Variants in AGPS observed in about 807,000 individuals in gnomAD.
AGPS encodes alkylglycerone phosphate synthase.
In AGPS, 26 loss-of-function variants were observed where a neutral mutation model predicts 90.7. The observed-to-expected ratio is 0.29, with a 90% CI of 0.21 to 0.40. The LOEUF (loss-of-function observed/expected upper bound fraction) is 0.40. AGPS is among the 10% of genes least tolerant of loss of function. AGPS has a pLI of 1.00. For synonymous variants in AGPS, 294 were observed against 285.3 expected, an observed-to-expected ratio of 1.03 and a Z score of -0.31; for missense variants, 540 against 816.1, an observed-to-expected ratio of 0.66 and a Z score of 4.12.
At chr2:177,525,918 C>G (rs1302225914) in intron 19 of AGPS, among the ~76,000 whole-genome samples, 1 of 152,148 alleles carries the variant, frequency 6.6e-6, no homozygotes, top group Non-Finnish European at 1.5e-5. Context: ...AGATGTACCC[C>G]AGACACTGAG....
intron 9 of AGPS, 66 bp from the exon 10 acceptor site, chr2:177,468,350 G>A: frequency 1.1e-6 from 1 of 916,782 alleles, no homozygotes; most frequent in Non-Finnish European, 1.8e-6. Flanking sequence ...ATATATAAAT[G>A]TCTGTACATA....
chr2:177,471,008 A>G (rs185627321), intron 10 of AGPS, among the ~76,000 whole-genome samples: 1 of 152,298 alleles, frequency 6.6e-6, no homozygotes, highest in East Asian at 1.9e-4. Context: ...ATGCTGAACA[A>G]TTTAGTGTAG....
intron 7 of AGPS, among the ~76,000 whole-genome samples, chr2:177,444,521 A>C (rs1368925550): frequency 1.3e-5 from 2 of 152,122 alleles, no homozygotes; most frequent in East Asian, 3.8e-4. Flanking sequence ...GTGCATTCAC[A>C]TACATCATCT....
At chr2:177,416,605 C>T (rs892821268) in intron 1 of AGPS, among the ~76,000 whole-genome samples, 2 of 151,366 alleles carry the variant, frequency 1.3e-5, no homozygotes, top group African/African-American at 4.9e-5. Context: ...GGCTCACTGC[C>T]ACCTCCGCCT....
intron 10 of AGPS, among the ~76,000 whole-genome samples, chr2:177,477,890 G>C (rs564823770): frequency 3.3e-4 from 50 of 152,150 alleles, no homozygotes; most frequent in African/African-American, 1.2e-3. Flanking sequence ...TTTTAAATCA[G>C]ATGTGAGAAG....
chr2:177,515,970 T>C (rs1170418710), intron 17 of AGPS, among the ~76,000 whole-genome samples: 2 of 152,276 alleles, frequency 1.3e-5, no homozygotes, highest in Non-Finnish European at 2.9e-5. Context: ...GATTATTCCA[T>C]GTTGAATATG....
intron 12 of AGPS, among the ~76,000 whole-genome samples, chr2:177,493,698 G>A (rs1193614174): frequency 6.6e-6 from 1 of 152,140 alleles, no homozygotes; most frequent in African/African-American, 2.4e-5. Context: ...GGCTTTGCAG[G>A]ATAGATTTGG....
intron 8 of AGPS, among the ~76,000 whole-genome samples, chr2:177,451,342 T>A (rs1686944891): frequency 6.6e-6 from 1 of 152,130 alleles, no homozygotes; most frequent in African/African-American, 2.4e-5. Flanking sequence ...AATTGTCAGT[T>A]TCTGGTTGTT....
chr2:177,399,395 T>G (rs1283017380), intron 1 of AGPS, among the ~76,000 whole-genome samples: 1 of 151,152 alleles, frequency 6.6e-6, no homozygotes, highest in Non-Finnish European at 1.5e-5. Context: ...CTTTATTTGT[T>G]GGGTCTTGGG....
intron 1 of AGPS, among the ~76,000 whole-genome samples, chr2:177,408,921 G>C (rs2105595316): frequency 6.6e-6 from 1 of 152,312 alleles, no homozygotes; most frequent in South Asian, 2.1e-4. Flanking sequence ...GAGGGTGCTA[G>C]AAATTGTAAT....
chr2:177,449,177 A>G (rs1025187936), intron 8 of AGPS, among the ~76,000 whole-genome samples: 6 of 152,246 alleles, frequency 3.9e-5, no homozygotes, highest in Admixed American at 3.3e-4. Context: ...TTGTATAGAC[A>G]TATACATTTG....
chr2:177,434,474 A>G (rs1686338407), intron 3 of AGPS, 57 bp downstream of exon 3: 2 of 1,266,942 alleles, frequency 1.6e-6, no homozygotes, highest in African/African-American at 3.0e-5. Flanking sequence ...AACCCAAATT[A>G]ATTTGATTTA....
chr2:177,438,994 A>G (rs1004600255), intron 5 of AGPS, among the ~76,000 whole-genome samples: 1 of 151,948 alleles, frequency 6.6e-6, no homozygotes, highest in African/African-American at 2.4e-5. Context: ...ACACACACAC[A>G]CACACACACA....
chr2:177,481,925 AGCC>A, intron 10 of AGPS, 131 bp from the exon 11 acceptor site: 1 of 743,568 alleles, frequency 1.3e-6, no homozygotes, highest in East Asian at 4.5e-5. Context: ...TGACTTGAGT[AGCC>A]ATTATTCCCC....
intron 10 of AGPS, 129 bp from the exon 11 acceptor site, chr2:177,481,930 T>C (rs1018002602): frequency 4.7e-6 from 3 of 634,672 alleles, no homozygotes; most frequent in Non-Finnish European, 6.5e-6. Flanking sequence ...TGAGTAGCCA[T>C]TATTCCCCAG....
At chr2:177,412,439 A>C (rs751232042) in intron 1 of AGPS, among the ~76,000 whole-genome samples, 1 of 152,116 alleles carries the variant, frequency 6.6e-6, no homozygotes, top group African/African-American at 2.4e-5. Flanking sequence ...AGGCAGATCA[A>C]TGCTCCCAAC....
intron 10 of AGPS, among the ~76,000 whole-genome samples, chr2:177,471,896 T>G (rs1025100665): frequency 6.6e-6 from 1 of 152,174 alleles, no homozygotes; most frequent in Non-Finnish European, 1.5e-5. Context: ...TAAAGAAATA[T>G]GATACCTGTT....
chr2:177,412,297 G>T (rs1468350694), intron 1 of AGPS, among the ~76,000 whole-genome samples: 11 of 152,162 alleles, frequency 7.2e-5, no homozygotes, highest in Non-Finnish European at 2.9e-5. Flanking sequence ...GCACGCATGG[G>T]TGACTGTTGA....
intron 5 of AGPS, 81 bp downstream of exon 5, chr2:177,437,135 G>A: frequency 7.6e-7 from 1 of 1,321,236 alleles, no homozygotes; most frequent in South Asian, 1.2e-5. Context: ...CGTACTTTTT[G>A]GCATATGAGT....
Sources: allele counts gnomAD v4.1 joint callset (sites outside exome capture counted in the v4.1 genomes callset), GRCh38; gene constraint gnomAD v4.1.1; transcripts MANE v1.5; gene names NCBI Gene and HGNC (gene_info 2026-07-23, HGNC 2026-07-21).